Variants in EXOC1 observed in about 807,000 individuals in gnomAD.
EXOC1 encodes exocyst complex component 1, also known as SEC3-like 1.
A neutral mutation model predicts 107.7 loss-of-function variants in EXOC1; 67 were observed. That is an observed-to-expected ratio of 0.62 (90% CI 0.51 to 0.76). EXOC1 has a LOEUF of 0.76. Among genes scored for constraint, EXOC1 ranks in the 30% least tolerant of loss-of-function variants. EXOC1 has a pLI of 0.00. For missense variants in EXOC1, 833 were observed against 1,055.7 expected, an observed-to-expected ratio of 0.79 and a Z score of 2.92; for synonymous variants, 348 against 353.5, an observed-to-expected ratio of 0.98 and a Z score of 0.17.
chr4:55,884,743 G>T (rs1303373810), intron 10 of EXOC1, among the ~76,000 whole-genome samples: 1 of 152,170 alleles, frequency 6.6e-6, no homozygotes, highest in Non-Finnish European at 1.5e-5. Context: ...TTAGAATAAT[G>T]AGTTTAGCAT....
chr4:55,899,307 G>A (rs1725611461), intron 16 of EXOC1, among the ~76,000 whole-genome samples: 1 of 151,754 alleles, frequency 6.6e-6, no homozygotes, highest in Non-Finnish European at 1.5e-5. Context: ...TGTATTATTT[G>A]TTTGCTTTTT....
intron 17 of EXOC1, 148 bp downstream of exon 17, chr4:55,900,032 A>G (rs376544962): frequency 7.3e-5 from 40 of 549,960 alleles, no homozygotes; most frequent in East Asian, 5.9e-4. Flanking sequence ...TGTGCCAGAC[A>G]CTGCTAGATG....
intron 4 of EXOC1, among the ~76,000 whole-genome samples, chr4:55,867,453 A>G (rs1238010521): frequency 1.3e-5 from 2 of 152,162 alleles, no homozygotes; most frequent in East Asian, 3.8e-4. Flanking sequence ...TGAAATTGCT[A>G]ACTTTATTTA....
intron 15 of EXOC1, among the ~76,000 whole-genome samples, chr4:55,896,131 G>A (rs986570147): frequency 6.6e-6 from 1 of 151,968 alleles, no homozygotes; most frequent in African/African-American, 2.4e-5. Flanking sequence ...TGAAGTTCAC[G>A]GCCTTGATTG....
intron 17 of EXOC1, among the ~76,000 whole-genome samples, chr4:55,901,487 G>A (rs1353087650): frequency 1.3e-5 from 2 of 151,954 alleles, no homozygotes; most frequent in East Asian, 1.9e-4. Context: ...TATAAAAGAA[G>A]ACCTGGGAAT....
chr4:55,867,217 A>G (rs1722034352), intron 4 of EXOC1, among the ~76,000 whole-genome samples: 1 of 152,206 alleles, frequency 6.6e-6, no homozygotes. Flanking sequence ...TTCGCAGTGA[A>G]TTAAATGGAC....
intron 15 of EXOC1, among the ~76,000 whole-genome samples, chr4:55,895,001 T>C (rs2109478800): frequency 6.6e-6 from 1 of 152,302 alleles, no homozygotes; most frequent in South Asian, 2.1e-4. Context: ...TCTCAAGGCA[T>C]GGCACTAGAG....
At chr4:55,900,017 G>A in intron 17 of EXOC1, 133 bp downstream of exon 17, 1 of 614,290 alleles carries the variant, frequency 1.6e-6, no homozygotes, top group South Asian at 2.6e-5. Flanking sequence ...TATTGAAGCT[G>A]CCAGTGTGCC....
chr4:55,881,067 G>GA (rs924234356), intron 9 of EXOC1, among the ~76,000 whole-genome samples: 2 of 152,282 alleles, frequency 1.3e-5, no homozygotes, highest in African/African-American at 4.8e-5. Flanking sequence ...GCAGGAACAG[G>GA]AAAAACTTGT....
intron 9 of EXOC1, among the ~76,000 whole-genome samples, chr4:55,881,953 C>T (rs1315824460): frequency 6.6e-6 from 1 of 151,738 alleles, no homozygotes; most frequent in Non-Finnish European, 1.5e-5. Context: ...ACACTAGAGG[C>T]AAGGGTTGCT....
At chr4:55,871,036 A>C (rs899452936) in intron 6 of EXOC1, 65 bp from the exon 7 acceptor site, 5 of 1,590,042 alleles carry the variant, frequency 3.1e-6, no homozygotes, top group Non-Finnish European at 4.3e-6. Context: ...ATAGGACTGA[A>C]TAGCATCTTG....
chr4:55,893,606 G>A lies in EXOC1; in HGVS notation c.1779G>A (p.Glu593=). Residue 593 remains glutamate (E), a synonymous_variant, in exon 15 of 19, where the codon GAG becomes GAA. Transcript: ENST00000381295. ...MIKIFRCIEP[E]LNNLIALGDK... is the part of the protein sequence containing the mutation. ...AAATATTTCGCTGCATTGAGCCAGA[G>A]CTGAACAACCTAATTGCATTAGGAG... 1 of 1,614,010 alleles carries A rather than the reference G, an allele frequency of 6.2e-7. No homozygotes were observed. Among genetic ancestry groups the A allele is most frequent in the Non-Finnish European group, 8.5e-7 (1 of 1,180,012 alleles).
chr4:55,877,877 A>G (rs770232904), intron 8 of EXOC1, 40 bp from the exon 9 acceptor site: 1 of 1,608,750 alleles, frequency 6.2e-7, no homozygotes, highest in Non-Finnish European at 8.5e-7. Flanking sequence ...GTTTCTTTGT[A>G]CTGTTGATTA....
rs1721745203 is a variant in EXOC1, at chr4:55,864,168, C to T, written c.256-59C>T. On this transcript the variant is annotated intron_variant, in intron 3 of 18. Coordinates refer to ENST00000381295, the MANE Select transcript of EXOC1 (RefSeq NM_001024924.2). ...AGCGTAAATGCCTATGCAGATTTTA[C>T]ATTAACAATGTAAAAGGATGTGATC... 5.2e-6 allele frequency: 6 copies of T among 1,162,552 alleles called. No individual in the cohort carries two copies. In the Admixed American group the frequency reaches 1.5e-4, roughly 28 times the overall value. The allele number at this position is 1,162,552 out of a possible 1,614,324, so 72.0% of individuals were successfully genotyped here.
At chr4:55,870,593 T>G in intron 5 of EXOC1, 85 bp from the exon 6 acceptor site, 1 of 1,324,340 alleles carries the variant, frequency 7.6e-7, no homozygotes, top group African/African-American at 1.5e-5. Context: ...ACATTTCACC[T>G]TTATTCTTTT....
At chr4:55,877,239 A>C (rs191207452) in intron 8 of EXOC1, 18 of 985,404 alleles carry the variant, frequency 1.8e-5, no homozygotes, top group Non-Finnish European at 2.0e-5. Flanking sequence ...CCAAAACTCT[A>C]GCAGTCTGTG....
In EXOC1 at chr4:55,890,400, A is replaced by G. The variant is rs772041881; in HGVS notation, c.1539+14A>G. On this transcript the variant is annotated intron_variant, in intron 12 of 18. Coordinates refer to ENST00000381295, the MANE Select transcript of EXOC1 (RefSeq NM_001024924.2). ...AAATTTGATAAGGTAAACTAAAATA[A>G]CAAGTACTTCTTAAACATTAACATT... 2.5e-6 allele frequency: 4 copies of G among 1,611,584 alleles called. 1 individual carries two copies. The Admixed American group carries it at 5.0e-5, about 20-fold the overall frequency.
chr4:55,854,294 A>G (rs950292597), intron 1 of EXOC1, among the ~76,000 whole-genome samples: 2 of 151,724 alleles, frequency 1.3e-5, no homozygotes, highest in Non-Finnish European at 2.9e-5. Context: ...AGCAGCATAC[A>G]GGGCCCAATG....
intron 5 of EXOC1, among the ~76,000 whole-genome samples, chr4:55,870,081 G>A (rs1722287447): frequency 6.6e-6 from 1 of 151,942 alleles, no homozygotes; most frequent in African/African-American, 2.4e-5. Context: ...AGTTGAAAGA[G>A]AAAAGAAAAA....
Sources: gnomAD v4.1 joint callset for allele counts (sites outside exome capture counted in the v4.1 genomes callset) on GRCh38, gnomAD v4.1.1 for gene constraint, MANE v1.5 for transcripts, NCBI Gene and HGNC (gene_info 2026-07-23, HGNC 2026-07-21) for gene names.